Variants in DNAL1 observed in about 807,000 individuals in gnomAD.
DNAL1 encodes dynein axonemal light chain 1, also known as chromosome 14 open reading frame 168.
DNAL1 carries 17 observed loss-of-function variants against 29.4 expected under a neutral mutation model. That is an observed-to-expected ratio of 0.58 (90% CI 0.40 to 0.87). DNAL1 has a LOEUF of 0.87. DNAL1 is among the 40% of genes least tolerant of loss of function. DNAL1 has a pLI of 0.00. For synonymous variants in DNAL1, 78 were observed against 76.3 expected, an observed-to-expected ratio of 1.02 and a Z score of -0.12; for missense variants, 188 against 214.1, an observed-to-expected ratio of 0.88 and a Z score of 0.76.
At chr14:73,645,087 G>T in intron 1 of DNAL1, 45 bp downstream of exon 1, 1 of 1,599,750 alleles carries the variant, frequency 6.3e-7, no homozygotes, top group Non-Finnish European at 8.5e-7. Flanking sequence ...GAGAAGATTG[G>T]GAGTGGAAAA....
chr14:73,686,340 C>T (rs1429955666), intron 5 of DNAL1, among the ~76,000 whole-genome samples: 2 of 152,168 alleles, frequency 1.3e-5, no homozygotes, highest in Admixed American at 1.3e-4. Context: ...GCCAGGTTTT[C>T]CTCATTGATA....
In DNAL1 at chr14:73,703,097, A is replaced by G. The variant is rs1892475979; in HGVS notation, c.*7155A>G. ...TGTCACTGCAAGACCCTGTCCCTAA[A>G]AAAAGGAAAAACAAATAGAAGACAA... On this transcript the variant is annotated 3_prime_UTR_variant, in exon 8 of 8. Transcript: ENST00000553645. 1 of 152,194 alleles carries G rather than the reference A, an allele frequency of 6.6e-6. No homozygotes were observed. Among genetic ancestry groups the G allele is most frequent in the Non-Finnish European group, 1.5e-5 (1 of 68,036 alleles). 9.4% of individuals were successfully genotyped at this position (152,194 alleles called of 1,614,324 possible).
rs965789912 is a variant in DNAL1, at chr14:73,656,553, C to T, written c.42+1668C>T. 4.0e-5 allele frequency among the ~76,000 whole-genome samples: 6 copies of T among 151,552 alleles called. No individual in the cohort carries two copies. In the East Asian group the frequency reaches 1.2e-3, roughly 29 times the overall value. Reference sequence around the variant, plus strand: ...GGCTCAAACACCTGAGTAGCTGGGACTACAGGTGTGCATCATCACCACACC... The same window carrying T: ...GGCTCAAACACCTGAGTAGCTGGGATTACAGGTGTGCATCATCACCACACC... On this transcript the variant is annotated intron_variant, in intron 2 of 7. Coordinates refer to ENST00000553645, the MANE Select transcript of DNAL1 (RefSeq NM_031427.4).
chr14:73,681,655 T>TATATATATATATATATATATATA (rs1555402648), intron 5 of DNAL1, among the ~76,000 whole-genome samples: 2 of 127,286 alleles, frequency 1.6e-5, no homozygotes, highest in Admixed American at 8.1e-5. Context: ...TATATATATA[T>TATATATATATATATATATATATA]TAGTTGGGTG....
rs1892446345 is a variant in DNAL1 at position 73,701,960 on chromosome 14, T to A, written c.*6018T>A. 1 of 150,770 alleles carries A rather than the reference T, an allele frequency of 6.6e-6. No homozygotes were observed. 9.3% of individuals were successfully genotyped at this position (150,770 alleles called of 1,614,324 possible). A position where few individuals can be genotyped will look rare whatever the true frequency, so the allele number is the denominator to read the frequency against. Reference sequence around the variant, plus strand: ...GTTATTTTGTAAAAAAAAAAAAAAGTATATTTTTGGTACATGATTATTAGT... The same window carrying A: ...GTTATTTTGTAAAAAAAAAAAAAAGAATATTTTTGGTACATGATTATTAGT... On this transcript the variant is annotated 3_prime_UTR_variant, in exon 8 of 8. Transcript: ENST00000553645.
intron 1 of DNAL1, among the ~76,000 whole-genome samples, chr14:73,651,640 A>G (rs1261486838): frequency 6.6e-6 from 1 of 152,048 alleles, no homozygotes; most frequent in Admixed American, 6.6e-5. Flanking sequence ...CCTTATTGCC[A>G]TATGTTTGCT....
intron 4 of DNAL1, among the ~76,000 whole-genome samples, chr14:73,662,558 AG>A (rs1253213498): frequency 1.3e-5 from 2 of 152,164 alleles, no homozygotes; most frequent in Admixed American, 1.3e-4. Flanking sequence ...GTGAAAATCA[AG>A]CCATGCTCCC....
At chr14:73,645,098 G>C in intron 1 of DNAL1, 56 bp downstream of exon 1, 1 of 1,591,410 alleles carries the variant, frequency 6.3e-7, no homozygotes, top group Non-Finnish European at 8.5e-7. Context: ...GAGTGGAAAA[G>C]GGTGACTGTG....
At chr14:73,669,252 A>C (rs140990015) in intron 4 of DNAL1, among the ~76,000 whole-genome samples, 1 of 151,592 alleles carries the variant, frequency 6.6e-6, no homozygotes, top group African/African-American at 2.4e-5. Context: ...CTGAGTAGCT[A>C]GGCTTACAGG....
intron 1 of DNAL1, among the ~76,000 whole-genome samples, chr14:73,647,364 CAAA>C (rs199974495): frequency 4.3e-5 from 4 of 92,752 alleles, no homozygotes; most frequent in Admixed American, 1.1e-4. Context: ...GACTCTGTCT[CAAA>C]AAAAAAAAAA....
chr14:73,687,522 G>C (rs980577859), intron 6 of DNAL1, 137 bp downstream of exon 6: 1 of 1,026,410 alleles, frequency 9.7e-7, no homozygotes. Context: ...TAAGCTCAGA[G>C]AGAAACAGCA....
chr14:73,682,894 T>A (rs1318732245), intron 5 of DNAL1, among the ~76,000 whole-genome samples: 1 of 94,008 alleles, frequency 1.1e-5, no homozygotes, highest in East Asian at 3.5e-4. Flanking sequence ...TTTTTTTTTT[T>A]AGTTGGAGTT....
At chr14:73,645,169 C>A in intron 1 of DNAL1, 127 bp downstream of exon 1, 1 of 1,508,326 alleles carries the variant, frequency 6.6e-7, no homozygotes, top group Non-Finnish European at 9.0e-7. Flanking sequence ...GACGCTAGCT[C>A]TGTGGAGTCA....
Position 73,654,860 on chromosome 14 carries a change from C to T in DNAL1, c.17C>T (p.Thr6Ile). MAKATTIKEALARWEE... is the reference protein window; with the variant it reads MAKATIIKEALARWEE... ...TTTTTTTTAAAGGCGAAAGCAACAA[C>T]AATCAAAGAAGCCTTAGCGAGATGG... Residue 6 changes from threonine (T) to isoleucine (I), a missense_variant, in exon 2 of 8, where the codon ACA (threonine) becomes ATA (isoleucine). By Grantham distance (89) the Thr-to-Ile change is moderately conservative. Coordinates refer to ENST00000553645, the MANE Select transcript of DNAL1 (RefSeq NM_031427.4). 6.6e-7 allele frequency: 1 copy of T among 1,522,168 alleles called. No individual in the cohort carries two copies. The highest frequency in any genetic ancestry group is 8.8e-7 in the Non-Finnish European group (1 of 1,137,598). The allele number at this position is 1,522,168 out of a possible 1,614,324, so 94.3% of individuals were successfully genotyped here.
chr14:73,679,797 TC>T (rs1891834166), intron 5 of DNAL1, among the ~76,000 whole-genome samples: 1 of 49,810 alleles, frequency 2.0e-5, no homozygotes, highest in African/African-American at 1.9e-4. Context: ...AGTCTTATCT[TC>T]TTAATTAAAA....
intron 1 of DNAL1, among the ~76,000 whole-genome samples, chr14:73,650,627 T>G (rs1191209844): frequency 6.6e-6 from 1 of 152,162 alleles, no homozygotes; most frequent in Non-Finnish European, 1.5e-5. Context: ...GGAATTTCCC[T>G]TTCTTTTTAT....
In DNAL1 at chr14:73,701,583, G is replaced by T. The variant is rs1278979023; in HGVS notation, c.*5641G>T. 1 of 152,228 alleles carries T rather than the reference G, an allele frequency of 6.6e-6. No homozygotes were observed. Among genetic ancestry groups the T allele is most frequent in the African/African-American group, 2.4e-5 (1 of 41,464 alleles). The allele number at this position is 152,228 out of a possible 1,614,324, so 9.4% of individuals were successfully genotyped here. On this transcript the variant is annotated 3_prime_UTR_variant, in exon 8 of 8. Transcript: ENST00000553645. ...TTGTCTAACATTATATGGGTGGGAG[G>T]CTCTTTGCCTCTGTGATCAGTAGGG...
chr14:73,663,393 A>G lies in DNAL1; in HGVS notation c.208+1351A>G, dbSNP rs182719484. 3.8e-3 allele frequency among the ~76,000 whole-genome samples: 570 copies of G among 151,966 alleles called. 2 individuals are homozygous for G. Among genetic ancestry groups the G allele is most frequent in the Middle Eastern group, 0.01 (3 of 294 alleles). Reference sequence around the variant, plus strand: ...GCTAATTTTTGTATTTTTAGTGGAGATGGGGTTTCACCATGTTGGCCAGGC... The same window carrying G: ...GCTAATTTTTGTATTTTTAGTGGAGGTGGGGTTTCACCATGTTGGCCAGGC... On this transcript the variant is annotated intron_variant, in intron 4 of 7. Coordinates refer to ENST00000553645, the MANE Select transcript of DNAL1 (RefSeq NM_031427.4).
At chr14:73,670,934 C>T (rs373096149) in intron 4 of DNAL1, among the ~76,000 whole-genome samples, 1 of 151,730 alleles carries the variant, frequency 6.6e-6, no homozygotes, top group East Asian at 1.9e-4. Context: ...GACGGGGTTT[C>T]ACCGTGTTAG....
Sources: gnomAD v4.1 joint callset for allele counts (sites outside exome capture counted in the v4.1 genomes callset) on GRCh38, gnomAD v4.1.1 for gene constraint, MANE v1.5 for transcripts, NCBI Gene and HGNC (gene_info 2026-07-23, HGNC 2026-07-21) for gene names.